Variants in LOC128462377 observed in about 807,000 individuals in gnomAD.
At chr16:89,347,433 C>A in the LOC128462377 span, among the ~76,000 whole-genome samples, 1 of 152,012 alleles carries the variant, frequency 6.6e-6, no homozygotes, top group African/African-American at 2.4e-5. Context: ...CACGGTGAAA[C>A]CCCGTCTCTA....
chr16:89,394,552 C>T, the LOC128462377 span, among the ~76,000 whole-genome samples: 1 of 151,798 alleles, frequency 6.6e-6, no homozygotes, highest in Admixed American at 6.6e-5. Flanking sequence ...CGCTTGAACC[C>T]AGGAGGCGGA....
chr16:89,403,796 G>A, the LOC128462377 span: 1 of 152,134 alleles, frequency 6.6e-6, no homozygotes, highest in African/African-American at 2.4e-5. Flanking sequence ...AGGCGGGTGT[G>A]GTGACATGCG....
chr16:89,326,829 G>C, the LOC128462377 span, among the ~76,000 whole-genome samples: 2 of 152,226 alleles, frequency 1.3e-5, no homozygotes, highest in African/African-American at 2.4e-5. Context: ...CATCTCCTAA[G>C]AAAGGGGCTT....
the LOC128462377 span, among the ~76,000 whole-genome samples, chr16:89,403,361 T>G: frequency 6.6e-6 from 1 of 151,992 alleles, no homozygotes; most frequent in Non-Finnish European, 1.5e-5. Context: ...TGGAAGAACA[T>G]GGAGGAGCTC....
chr16:89,341,843 G>A, the LOC128462377 span, among the ~76,000 whole-genome samples: 1,375 of 150,458 alleles, frequency 9.1e-3, 37 homozygotes, highest in African/African-American at 0.03. Flanking sequence ...CCCACGGCGG[G>A]AGTGCTGCAC....
chr16:89,365,738 T>G, the LOC128462377 span, among the ~76,000 whole-genome samples: 1 of 152,120 alleles, frequency 6.6e-6, no homozygotes, highest in Non-Finnish European at 1.5e-5. Flanking sequence ...TGTTTTAGGT[T>G]CGGGTTGCAG....
chr16:89,373,952 T>C, the LOC128462377 span, among the ~76,000 whole-genome samples: 1 of 152,254 alleles, frequency 6.6e-6, no homozygotes, highest in African/African-American at 2.4e-5. Flanking sequence ...CCAAGCGGGC[T>C]GGGGCCCTGG....
At chr16:89,351,575 T>C in the LOC128462377 span, among the ~76,000 whole-genome samples, 1 of 152,218 alleles carries the variant, frequency 6.6e-6, no homozygotes, top group Non-Finnish European at 1.5e-5. Flanking sequence ...AGTTAAGGCA[T>C]GGAGACGAAG....
At chr16:89,407,852 C>CAAA in the LOC128462377 span, among the ~76,000 whole-genome samples, 24 of 111,298 alleles carry the variant, frequency 2.2e-4, no homozygotes, top group East Asian at 2.6e-4. Context: ...TGTCTCCCTC[C>CAAA]AAAAAAAAAA....
chr16:89,409,172 G>T, the LOC128462377 span, among the ~76,000 whole-genome samples: 2 of 152,162 alleles, frequency 1.3e-5, no homozygotes, highest in Non-Finnish European at 2.9e-5. Flanking sequence ...TGAAGCCGAC[G>T]GTCTGAGGAA....
the LOC128462377 span, among the ~76,000 whole-genome samples, chr16:89,388,692 G>A: frequency 1.3e-5 from 2 of 152,180 alleles, no homozygotes; most frequent in African/African-American, 2.4e-5. Context: ...GAGGTTTAGC[G>A]GACAGGACGT....
chr16:89,328,311 C>T, the LOC128462377 span, among the ~76,000 whole-genome samples: 1 of 152,196 alleles, frequency 6.6e-6, no homozygotes, highest in African/African-American at 2.4e-5. Context: ...TAAGTGTGCG[C>T]TTGCTGCCCC....
chr16:89,341,293 A>T, the LOC128462377 span, among the ~76,000 whole-genome samples: 1 of 152,208 alleles, frequency 6.6e-6, no homozygotes, highest in Non-Finnish European at 1.5e-5. Flanking sequence ...CATTAAATAC[A>T]CCACAGGATT....
chr16:89,326,543 G>C, the LOC128462377 span, among the ~76,000 whole-genome samples: 1 of 152,172 alleles, frequency 6.6e-6, no homozygotes, highest in Non-Finnish European at 1.5e-5. Flanking sequence ...CCAAGAGTTT[G>C]AGACCCGGGC....
the LOC128462377 span, among the ~76,000 whole-genome samples, chr16:89,391,088 C>T: frequency 2.6e-5 from 4 of 151,948 alleles, no homozygotes; most frequent in Middle Eastern, 3.2e-3. Flanking sequence ...ATTAGCCGGG[C>T]GCGGTGGTGG....
At chr16:89,341,950 C>A in the LOC128462377 span, among the ~76,000 whole-genome samples, 2 of 149,998 alleles carry the variant, frequency 1.3e-5, no homozygotes, top group South Asian at 4.2e-4. Context: ...CCTCCACGAA[C>A]AGCAGCCACG....
At chr16:89,349,458 C>T in the LOC128462377 span, among the ~76,000 whole-genome samples, 1 of 151,970 alleles carries the variant, frequency 6.6e-6, no homozygotes, top group South Asian at 2.1e-4. Flanking sequence ...CCAGCCTGGG[C>T]GACAGAGCGA....
the LOC128462377 span, among the ~76,000 whole-genome samples, chr16:89,387,499 C>T: frequency 6.6e-6 from 1 of 151,320 alleles, no homozygotes; most frequent in Non-Finnish European, 1.5e-5. Flanking sequence ...AGTGAAACCC[C>T]ATCTCTACTA....
the LOC128462377 span, among the ~76,000 whole-genome samples, chr16:89,356,024 T>G: frequency 2.0e-5 from 3 of 152,178 alleles, no homozygotes; most frequent in Non-Finnish European, 4.4e-5. Context: ...GAGGCGACAG[T>G]GAGCCCAGAT....
Sources: allele counts gnomAD v4.1 joint callset (sites outside exome capture counted in the v4.1 genomes callset), GRCh38; gene constraint gnomAD v4.1.1; transcripts MANE v1.5.